CPNE5: variants seen among roughly 807,000 people sequenced by gnomAD.
CPNE5 encodes copine-5.
Under a neutral mutation model 81.1 loss-of-function variants are expected in CPNE5, and 42 were observed. The observed-to-expected ratio is 0.52, with a 90% CI of 0.40 to 0.67. The LOEUF (loss-of-function observed/expected upper bound fraction) is 0.67. Among genes scored for constraint, CPNE5 ranks in the 30% least tolerant of loss-of-function variants. The pLI is 0.00. For synonymous variants in CPNE5, 313 were observed against 321.5 expected (o/e 0.97, Z 0.28); for missense variants, 612 against 815.5 (o/e 0.75, Z 3.04).
At chr6:36,794,751 C>T (rs1582914252) in intron 6 of CPNE5, 102 bp from the exon 7 acceptor site, 2 of 1,019,422 alleles carry the variant, frequency 2.0e-6, no homozygotes, top group Admixed American at 4.2e-5. Flanking sequence ...CAAGCGGCTG[C>T]TCTGGAAGTC....
chr6:36,750,582 C>T (rs1287952594), intron 14 of CPNE5, among the ~76,000 whole-genome samples: 1 of 152,182 alleles, frequency 6.6e-6, no homozygotes, highest in South Asian at 2.1e-4. Context: ...AAAAACAGAC[C>T]TTTATTGGTA....
At chr6:36,838,183 T>C (rs935379778) in intron 1 of CPNE5, among the ~76,000 whole-genome samples, 1 of 152,156 alleles carries the variant, frequency 6.6e-6, no homozygotes, top group Non-Finnish European at 1.5e-5. Context: ...GCCACAACTT[T>C]GTAATACAGG....
chr6:36,826,832 C>A (rs1156776781), intron 1 of CPNE5, among the ~76,000 whole-genome samples: 1 of 152,226 alleles, frequency 6.6e-6, no homozygotes, highest in Non-Finnish European at 1.5e-5. Context: ...TGCATGGGCT[C>A]TGCAGTCAGA....
chr6:36,753,234 C>A, intron 13 of CPNE5, 139 bp from the exon 14 acceptor site: 2 of 627,690 alleles, frequency 3.2e-6, no homozygotes, highest in African/African-American at 1.8e-5. Flanking sequence ...CCACACCACC[C>A]CATGAAGTAC....
intron 1 of CPNE5, 31 bp from the exon 2 acceptor site, chr6:36,823,129 A>G (rs750265876): frequency 7.2e-6 from 11 of 1,529,236 alleles, no homozygotes; most frequent in Non-Finnish European, 9.7e-6. Flanking sequence ...AGGGGTTAGC[A>G]CGGCCAGCTG....
At chr6:36,829,850 C>CA (rs1224687378) in intron 1 of CPNE5, among the ~76,000 whole-genome samples, 2,790 of 47,004 alleles carry the variant, frequency 0.059, 116 homozygotes, top group African/African-American at 0.14. Context: ...GTAGGAATTG[C>CA]AAAAAAAAAA....
intron 3 of CPNE5, among the ~76,000 whole-genome samples, chr6:36,818,436 C>T (rs149784098): frequency 6.0e-4 from 92 of 152,290 alleles, no homozygotes; most frequent in Non-Finnish European, 9.6e-4. Context: ...TTTTCCCCAG[C>T]GCCTGGCACT....
chr6:36,762,924 A>T lies in CPNE5; in HGVS notation c.848T>A (p.Ile283Asn). 1 of 1,614,022 alleles carries T rather than the reference A, an allele frequency of 6.2e-7. No individual in the cohort carries two copies. The highest frequency in any genetic ancestry group is 1.1e-5 in the South Asian group (1 of 91,076). ...ELARGQSQFN[I>N]YEVVNPKKKM... ...TTCGGGTGCCCACCTCACCTCATAG[A>T]TGTTGAATTGGCTCTGCCCACGGGC... The change falls in exon 12 of 21, where the codon ATC (isoleucine) becomes AAC (asparagine). Residue 283 changes from isoleucine to asparagine, a missense_variant. Transcript: ENST00000244751.
intron 3 of CPNE5, among the ~76,000 whole-genome samples, chr6:36,816,282 C>T (rs1192162262): frequency 6.6e-6 from 1 of 152,184 alleles, no homozygotes; most frequent in Non-Finnish European, 1.5e-5. Flanking sequence ...GCAAACAGTG[C>T]TTGATTTTCT....
At chr6:36,792,264 G>A in intron 7 of CPNE5, 168 bp from the exon 8 acceptor site, 1 of 1,328,674 alleles carries the variant, frequency 7.5e-7, no homozygotes. Context: ...GTGGCAGTGT[G>A]GCCTAGTGCA....
chr6:36,764,348 A>G (rs890062277), intron 11 of CPNE5, among the ~76,000 whole-genome samples: 2 of 152,064 alleles, frequency 1.3e-5, no homozygotes, highest in Non-Finnish European at 2.9e-5. Context: ...AGCTTCTTGC[A>G]GGATGGTTGG....
rs920767434 is a variant in CPNE5, at chr6:36,766,120, C to T, written c.738-744G>A. Among the ~76,000 whole-genome samples, 10 of 152,052 alleles carry T rather than the reference C, an allele frequency of 6.6e-5. No homozygotes were observed. The highest frequency in any genetic ancestry group is 2.2e-4 in the African/African-American group (9 of 41,410). ...CAGCTGCTCGATCCTCCAGGGATGC[C>T]CAGGGACAGGGGAGCTGCCAGGGTC... On this transcript the variant is annotated intron_variant, in intron 10 of 20. Transcript: ENST00000244751. The surrounding 1 kb of genome is among the most constrained non-coding windows in gnomAD (Gnocchi z 4.2).
intron 10 of CPNE5, among the ~76,000 whole-genome samples, chr6:36,771,049 G>A (rs781569730): frequency 3.5e-4 from 53 of 151,936 alleles, no homozygotes; most frequent in Non-Finnish European, 6.8e-4. Flanking sequence ...AAGGCCTTTT[G>A]GGTCTTCCTC....
At chr6:36,792,191 GC>G (rs1582904045) in intron 7 of CPNE5, 95 bp from the exon 8 acceptor site, 2 of 870,192 alleles carry the variant, frequency 2.3e-6, no homozygotes, top group East Asian at 5.2e-5. Context: ...ATCCTCCCCC[GC>G]CCCCTACCAT....
intron 13 of CPNE5, among the ~76,000 whole-genome samples, chr6:36,753,414 G>A (rs909335870): frequency 1.3e-5 from 2 of 152,208 alleles, no homozygotes; most frequent in Non-Finnish European, 2.9e-5. Context: ...AGTGGAACCG[G>A]GGTCCAAGCC....
chr6:36,822,220 A>G, intron 2 of CPNE5, 60 bp from the exon 3 acceptor site: 4 of 1,385,850 alleles, frequency 2.9e-6, no homozygotes, highest in Non-Finnish European at 2.9e-6. Context: ...GAGGGGTCCC[A>G]GATGAAAAGG....
chr6:36,822,131 T>C lies in CPNE5; in HGVS notation c.166A>G (p.Asn56Asp), dbSNP rs936119288. ...LCVMYTQGME[N>D]KQWREFGRTE... ...GCACCTACCTCCCGCCACTGCTTGT[T>C]CTCCATCCCTTGGGTATACATGACG... is the stretch of plus-strand genomic sequence containing the variant. The change falls in exon 3 of 21, where the codon AAC (asparagine) becomes GAC (aspartate). Residue 56 changes from asparagine to aspartate, a missense_variant. Physicochemically the swap from Asn to Asp is conservative, Grantham distance 23 (BLOSUM62 1). Transcript: ENST00000244751. 15 of 1,539,106 alleles carry C rather than the reference T, an allele frequency of 9.7e-6. No individual in the cohort carries two copies. Among genetic ancestry groups the C allele is most frequent in the Non-Finnish European group, 1.2e-5 (14 of 1,137,368 alleles).
intron 8 of CPNE5, among the ~76,000 whole-genome samples, chr6:36,783,519 AG>A (rs1311329383): frequency 5.0e-5 from 6 of 120,442 alleles, no homozygotes; most frequent in East Asian, 2.9e-4. Context: ...TTTTTCAGAC[AG>A]GTTCTCTCTC....
Position 36,746,338 on chromosome 6 carries a change from GCTT to G in CPNE5, c.1200+55_1200+57del. Reference sequence around the variant, plus strand: ...GAAGGGAAACGTCCCCCCACCCCCAGCTTGTCACCTCACCCCCAGCCTGATCAG... The same window carrying G: ...GAAGGGAAACGTCCCCCCACCCCCAGGTCACCTCACCCCCAGCCTGATCAG... On this transcript the variant is annotated intron_variant, in intron 16 of 20. Transcript: ENST00000244751. This position sits in a 1 kb window ranked among gnomAD's most constrained non-coding sequence, Gnocchi z 4.5. 1.1e-6 allele frequency: 1 copy of G among 899,672 alleles called. No homozygotes were observed. The highest frequency in any genetic ancestry group is 1.6e-6 in the Non-Finnish European group (1 of 640,628). The allele number at this position is 899,672 out of a possible 1,614,324, so 55.7% of individuals were successfully genotyped here. A position where few individuals can be genotyped will look rare whatever the true frequency, so the allele number is the denominator to read the frequency against.
Sources: gnomAD v4.1 joint callset for allele counts (sites outside exome capture counted in the v4.1 genomes callset) on GRCh38, gnomAD v4.1.1 for gene constraint, Gnocchi (gnomAD v3.1) non-coding constraint, MANE v1.5 for transcripts, NCBI Gene and HGNC (gene_info 2026-07-23, HGNC 2026-07-21) for gene names.